Variants in GRAMD1A observed in about 807,000 individuals in gnomAD.
GRAMD1A encodes the protein protein Aster-A.
A neutral mutation model predicts 92.0 loss-of-function variants in GRAMD1A; 50 were observed. The observed-to-expected ratio is 0.54, with a 90% CI of 0.43 to 0.69. The LOEUF (loss-of-function observed/expected upper bound fraction) is 0.69. GRAMD1A is among the 30% of genes least tolerant of loss of function. The pLI, the probability that GRAMD1A is intolerant of heterozygous loss-of-function variation, is 0.00. For missense variants in GRAMD1A, 819 were observed against 978.9 expected (o/e 0.84, Z 2.18); for synonymous variants, 405 against 403.6 (o/e 1.00, Z -0.04).
rs200149712 is a variant in GRAMD1A, at chr19:35,009,340, G to A, written c.219+11G>A. On this transcript the variant is annotated intron_variant, in intron 2 of 19. Transcript: ENST00000317991. ...ATCCGCAACAGCAAGGTTGGTGCAA[G>A]CCCAGGTGGGGTGGGGAGAGGGCTA... is the stretch of plus-strand genomic sequence containing the variant. 5,190 of 1,613,952 alleles carry A rather than the reference G, an allele frequency of 3.2e-3. 22 individuals are homozygous for A. Among genetic ancestry groups the A allele is most frequent in the Middle Eastern group, 9.1e-3 (55 of 6,060 alleles).
intron 1 of GRAMD1A, among the ~76,000 whole-genome samples, chr19:35,003,394 T>TCTC (rs1344065983): frequency 6.6e-6 from 1 of 151,980 alleles, no homozygotes; most frequent in Non-Finnish European, 1.5e-5. Context: ...CCCTTCCGAG[T>TCTC]CTCCTCGCCC....
intron 13 of GRAMD1A, among the ~76,000 whole-genome samples, chr19:35,020,202 GGTAAC>G (rs1173922799): frequency 6.6e-6 from 1 of 152,082 alleles, no homozygotes; most frequent in African/African-American, 2.4e-5. Flanking sequence ...GAGTAGCCTG[GGTAAC>G]GTACGGAAGC....
chr19:35,012,998 TA>T (rs932312157), intron 7 of GRAMD1A: 28 of 449,328 alleles, frequency 6.2e-5, no homozygotes, highest in South Asian at 1.6e-4. Context: ...AAAAAAGATA[TA>T]AAAAAAATGG....
At position 35,011,327 on chromosome 19, in the gene GRAMD1A, C is replaced by T. The variant is rs143636558; in HGVS notation, c.526-147C>T. On this transcript the variant is annotated intron_variant, in intron 6 of 19. Transcript: ENST00000317991. ...AGGGCAGGGCCGGGCGCAGGACAGACGTTTTGTGGAACTAATGCAGGGGTG... is the reference window on the plus strand; with the variant it reads ...AGGGCAGGGCCGGGCGCAGGACAGATGTTTTGTGGAACTAATGCAGGGGTG... 4.5e-5 allele frequency: 34 copies of T among 751,342 alleles called. No individual in the cohort carries two copies. In the East Asian group the frequency reaches 7.1e-4, roughly 16 times the overall value. The allele number at this position is 751,342 out of a possible 1,614,324, so 46.5% of individuals were successfully genotyped here.
At chr19:35,011,577 T>G (rs911709855) in intron 7 of GRAMD1A, 23 bp downstream of exon 7, 2 of 1,559,462 alleles carry the variant, frequency 1.3e-6, no homozygotes, top group African/African-American at 1.4e-5. Flanking sequence ...GAGGCCCGGG[T>G]GGGGATGGGG....
At chr19:35,025,852 C>A (rs2016394674) in intron 19 of GRAMD1A, among the ~76,000 whole-genome samples, 197 bp from the exon 20 acceptor site, 1 of 152,164 alleles carries the variant, frequency 6.6e-6, no homozygotes, top group African/African-American at 2.4e-5. Flanking sequence ...CAGGCACACA[C>A]TAAGCCCCTT....
upstream of GRAMD1A, among the ~76,000 whole-genome samples, chr19:34,998,810 G>C (rs769954109): frequency 1.1e-4 from 17 of 151,158 alleles, no homozygotes; most frequent in Non-Finnish European, 1.6e-4. Flanking sequence ...CGGCGATAGG[G>C]GGGGTGCTGT....
rs2015425567 is a variant in GRAMD1A, at chr19:35,013,797, A to AG, written c.870+111dup. 1 of 1,129,282 alleles carries AG rather than the reference A, an allele frequency of 8.9e-7. No individual in the cohort carries two copies. The highest frequency in any genetic ancestry group is 1.3e-6 in the Non-Finnish European group (1 of 783,236). The allele number at this position is 1,129,282 out of a possible 1,614,324, so 70.0% of individuals were successfully genotyped here. A position where few individuals can be genotyped will look rare whatever the true frequency, so the allele number is the denominator to read the frequency against. ...CTGACAGATTTGGAGGGGAATGGAT[A>AG]GGGGGACAGGGGAGGCCTGGATGGA... is the stretch of plus-strand genomic sequence containing the variant. On this transcript the variant is annotated intron_variant, in intron 9 of 19. Transcript: ENST00000317991. This position sits in a 1 kb window ranked among gnomAD's most constrained non-coding sequence, Gnocchi z 4.9.
At position 35,009,989 on chromosome 19, in the gene GRAMD1A, C is replaced by T. The variant is rs746944209; in HGVS notation, c.325+17C>T. 6 of 1,588,482 alleles carry T rather than the reference C, an allele frequency of 3.8e-6. No homozygotes were observed. Among genetic ancestry groups the T allele is most frequent in the Middle Eastern group, 3.3e-4 (2 of 6,014 alleles). ...TCATTGTGGGTGAGTCCCGGACCCCCAGTCCCAGCTCCTAGCCCAGCCCTG... is the reference window on the plus strand; with the variant it reads ...TCATTGTGGGTGAGTCCCGGACCCCTAGTCCCAGCTCCTAGCCCAGCCCTG... On this transcript the variant is annotated intron_variant, in intron 4 of 19. Coordinates refer to ENST00000317991, the MANE Select transcript of GRAMD1A (RefSeq NM_020895.5).
At chr19:35,012,850 C>A (rs1488595271) in intron 7 of GRAMD1A, 2 of 161,810 alleles carry the variant, frequency 1.2e-5, no homozygotes, top group Non-Finnish European at 2.7e-5. Context: ...TAGCACGCAC[C>A]TGTAATCCCA....
At chr19:34,995,571 GTTTTTTTTTTTT>G (rs59556577), upstream of GRAMD1A, among the ~76,000 whole-genome samples, 1 of 93,652 alleles carries the variant, frequency 1.1e-5, no homozygotes, top group Admixed American at 1.3e-4. Context: ...CAGATCACGG[GTTTTTTTTTTTT>G]TTTTTTTTTT....
At chr19:35,012,742 C>T (rs186982122) in intron 7 of GRAMD1A, among the ~76,000 whole-genome samples, 4 of 152,318 alleles carry the variant, frequency 2.6e-5, no homozygotes, top group Non-Finnish European at 4.4e-5. Flanking sequence ...CGAAGACGGG[C>T]GGATCGTGGT....
At chr19:35,003,716 TGAA>T (rs2014592799) in intron 1 of GRAMD1A, among the ~76,000 whole-genome samples, 1 of 152,158 alleles carries the variant, frequency 6.6e-6, no homozygotes, top group Non-Finnish European at 1.5e-5. Flanking sequence ...GCTGTCTGGG[TGAA>T]GCCAAACTCC....
chr19:35,013,221 G>T lies in GRAMD1A; in HGVS notation c.607-35G>T. 1.7e-6 allele frequency: 2 copies of T among 1,168,516 alleles called. No individual in the cohort carries two copies. 72.4% of individuals were successfully genotyped at this position (1,168,516 alleles called of 1,614,324 possible). A position where few individuals can be genotyped will look rare whatever the true frequency, so the allele number is the denominator to read the frequency against. On this transcript the variant is annotated intron_variant, in intron 7 of 19. Transcript: ENST00000317991. This position sits in a 1 kb window ranked among gnomAD's most constrained non-coding sequence, Gnocchi z 4.9. ...TGGCGGGCCGGGCTCTGGCTGGGGT[G>T]AGATGGAGGCCAACCCCAGGTCCCG...
At position 35,026,325 on chromosome 19, in the gene GRAMD1A, G is replaced by A. The variant is rs2016436206; in HGVS notation, c.*184G>A. 5.1e-6 allele frequency: 3 copies of A among 588,834 alleles called. No homozygotes were observed. Among genetic ancestry groups the A allele is most frequent in the South Asian group, 4.1e-5 (2 of 48,818 alleles). 36.5% of individuals were successfully genotyped at this position (588,834 alleles called of 1,614,324 possible). On this transcript the variant is annotated 3_prime_UTR_variant, in exon 20 of 20. Transcript: ENST00000317991. The stretch of plus-strand genomic sequence containing the variant: ...GCACTTTAGACCAGGGAGCTGGCCC[G>A]GCCTCTGGCAGGCCCCCCACTAACT...
In GRAMD1A at chr19:35,026,170, C is replaced by G; in HGVS notation, c.*29C>G. The G allele has an allele frequency of 8.8e-7, 1 of 1,141,776 alleles. No homozygotes were observed. Among genetic ancestry groups the G allele is most frequent in the Non-Finnish European group, 1.3e-6 (1 of 750,260 alleles). The allele number at this position is 1,141,776 out of a possible 1,614,324, so 70.7% of individuals were successfully genotyped here. A position where few individuals can be genotyped will look rare whatever the true frequency, so the allele number is the denominator to read the frequency against. On this transcript the variant is annotated 3_prime_UTR_variant, in exon 20 of 20. Coordinates refer to ENST00000317991, the MANE Select transcript of GRAMD1A (RefSeq NM_020895.5). The stretch of plus-strand genomic sequence containing the variant: ...CCCCGGCCACGCAGCTGTTCCCCCA[C>G]ATGGACAGATGGACACACAGAGCCT...
At chr19:35,020,457 G>A (rs1186620838) in intron 13 of GRAMD1A, among the ~76,000 whole-genome samples, 3 of 152,048 alleles carry the variant, frequency 2.0e-5, no homozygotes, top group African/African-American at 7.2e-5. Flanking sequence ...AGAATCACTT[G>A]AACCTAGGAG....
chr19:35,000,400 G>T lies in GRAMD1A; in HGVS notation c.-79G>T. 8.7e-7 allele frequency: 1 copy of T among 1,155,754 alleles called. No homozygotes were observed. Among genetic ancestry groups the T allele is most frequent in the Non-Finnish European group, 1.1e-6 (1 of 944,688 alleles). The allele number at this position is 1,155,754 out of a possible 1,614,324, so 71.6% of individuals were successfully genotyped here. The stretch of plus-strand genomic sequence containing the variant: ...CCGGTGCCCTGCGGGGACGCCCAGC[G>T]CAGCCCAGCCCCGCGCAGCCCAGCC... On this transcript the variant is annotated 5_prime_UTR_variant, in exon 1 of 20. Transcript: ENST00000317991. The surrounding 1 kb of genome is among the most constrained non-coding windows in gnomAD (Gnocchi z 4.9).
intron 6 of GRAMD1A, 52 bp from the exon 7 acceptor site, chr19:35,011,422 C>T: frequency 1.4e-6 from 2 of 1,389,052 alleles, no homozygotes; most frequent in South Asian, 1.2e-5. Flanking sequence ...CCACCTCTGT[C>T]CTGGTCGCTC....
Sources: gnomAD v4.1 joint callset for allele counts (sites outside exome capture counted in the v4.1 genomes callset) on GRCh38, gnomAD v4.1.1 for gene constraint, Gnocchi (gnomAD v3.1) non-coding constraint, MANE v1.5 for transcripts, NCBI Gene and HGNC (gene_info 2026-07-23, HGNC 2026-07-21) for gene names.